Variants in SCAF11 observed in about 807,000 individuals in gnomAD.
SCAF11 encodes SR-related CTD associated factor 11.
Under a neutral mutation model 140.5 loss-of-function variants are expected in SCAF11, and 47 were observed. The observed-to-expected ratio is 0.33, with a 90% CI of 0.26 to 0.43. The LOEUF (loss-of-function observed/expected upper bound fraction) is 0.43. Among genes scored for constraint, SCAF11 ranks in the 20% least tolerant of loss-of-function variants. The pLI, the probability that SCAF11 is intolerant of heterozygous loss-of-function variation, is 1.00. For missense variants in SCAF11, 1,645 were observed against 1,705.1 expected (o/e 0.96, Z 0.62); for synonymous variants, 557 against 579.4 (o/e 0.96, Z 0.55).
chr12:45,937,125 C>A (rs991428691), intron 6 of SCAF11, among the ~76,000 whole-genome samples: 1 of 151,838 alleles, frequency 6.6e-6, no homozygotes, highest in African/African-American at 2.4e-5. Context: ...GAAAAAATTT[C>A]CTTTGTATTA....
At position 45,927,134 on chromosome 12, in the gene SCAF11, G is replaced by C. The variant is rs371070696; in HGVS notation, c.2567C>G (p.Ala856Gly). 4.5e-5 allele frequency: 73 copies of C among 1,613,950 alleles called. No individual in the cohort carries two copies. Among genetic ancestry groups the C allele is most frequent in the Non-Finnish European group, 4.7e-5 (56 of 1,180,004 alleles). ...SRSQSPKKDIARERRQSQSRS... is the reference protein window; with the variant it reads ...SRSQSPKKDIGRERRQSQSRS... ...AGACTGAGATTGCCTCCTTTCTCTT[G>C]CAATATCCTTTTTTGGGGACTGAGA... The change falls in exon 11 of 15, where the codon GCA becomes GGA. Residue 856 changes from alanine to glycine, a missense_variant. This residue lies in a region of SCAF11 where 1,582 missense variants were observed against 1,609.2 expected (regional missense o/e 0.98). Coordinates refer to ENST00000369367, the MANE Select transcript of SCAF11 (RefSeq NM_004719.3).
At chr12:45,946,877 G>A (rs905501507) in intron 5 of SCAF11, among the ~76,000 whole-genome samples, 5 of 152,158 alleles carry the variant, frequency 3.3e-5, no homozygotes, top group Non-Finnish European at 7.4e-5. Flanking sequence ...GGCTCTTGGA[G>A]GGGGTATTCC....
chr12:45,947,482 A>C (rs1945450110), intron 5 of SCAF11, among the ~76,000 whole-genome samples: 1 of 152,262 alleles, frequency 6.6e-6, no homozygotes, highest in South Asian at 2.1e-4. Context: ...ACAGGAAAGC[A>C]GTACGTGAAG....
At chr12:45,922,708 A>G (rs554165285) in intron 13 of SCAF11, 126 bp from the exon 14 acceptor site, 4 of 999,326 alleles carry the variant, frequency 4.0e-6, no homozygotes, top group Non-Finnish European at 5.8e-6. Context: ...CGTGACAAAT[A>G]TAAAACAGTT....
upstream of SCAF11, among the ~76,000 whole-genome samples, chr12:45,990,992 T>C (rs1946595305): frequency 1.3e-5 from 2 of 152,244 alleles, no homozygotes. Context: ...TGAAAGAGGC[T>C]TTAAGGGAAC....
chr12:45,941,230 T>C (rs1444699650), intron 6 of SCAF11, among the ~76,000 whole-genome samples: 2 of 152,218 alleles, frequency 1.3e-5, no homozygotes, highest in African/African-American at 2.4e-5. Context: ...AGCATCTCTA[T>C]GGTCGTAGAC....
Position 45,961,681 on chromosome 12 carries a change from A to G in SCAF11, c.219+19T>C, listed in dbSNP as rs1592206184. 2 of 1,587,528 alleles carry G rather than the reference A, an allele frequency of 1.3e-6. No individual in the cohort carries two copies. ...AAATCATGCTAGGAAATTAAAATAC[A>G]TTAATGTGTCAGACTTACCTCTGCC... On this transcript the variant is annotated intron_variant, in intron 3 of 14. Coordinates refer to ENST00000369367, the MANE Select transcript of SCAF11 (RefSeq NM_004719.3).
chr12:45,973,612 C>T (rs1457699020), intron 1 of SCAF11, among the ~76,000 whole-genome samples: 3 of 152,034 alleles, frequency 2.0e-5, no homozygotes, highest in East Asian at 1.9e-4. Context: ...GCATTACTTA[C>T]GAGGGGGAGG....
At chr12:45,967,494 A>G (rs1445698930) in intron 1 of SCAF11, among the ~76,000 whole-genome samples, 1 of 152,178 alleles carries the variant, frequency 6.6e-6, no homozygotes, top group Non-Finnish European at 1.5e-5. Flanking sequence ...AAATACAAAA[A>G]TTAGCTGGGT....
upstream of SCAF11, chr12:45,991,853 G>T: frequency 7.9e-7 from 1 of 1,272,476 alleles, no homozygotes; most frequent in Non-Finnish European, 1.0e-6. Context: ...GGCTCCCGCA[G>T]GACTAAGCTC....
chr12:45,945,084 T>A lies in SCAF11; in HGVS notation c.463+165A>T, dbSNP rs1945388868. 2.2e-5 allele frequency: 13 copies of A among 589,904 alleles called. No individual in the cohort carries two copies. In the East Asian group the frequency reaches 4.0e-4, roughly 18 times the overall value. The allele number at this position is 589,904 out of a possible 1,614,324, so 36.5% of individuals were successfully genotyped here. The stretch of plus-strand genomic sequence containing the variant: ...AGGAAAAAAGGGGCAGAAAACAGTA[T>A]AAATTGCTCCATGAAAACAAAATTT... On this transcript the variant is annotated intron_variant, in intron 6 of 14. Transcript: ENST00000369367.
At chr12:45,935,571 C>T (rs899678982) in intron 6 of SCAF11, among the ~76,000 whole-genome samples, 1 of 152,140 alleles carries the variant, frequency 6.6e-6, no homozygotes, top group Non-Finnish European at 1.5e-5. Flanking sequence ...CTGTGCTATA[C>T]CTACATAGTG....
At chr12:45,944,416 G>A (rs1055770324) in intron 6 of SCAF11, among the ~76,000 whole-genome samples, 11 of 152,004 alleles carry the variant, frequency 7.2e-5, no homozygotes, top group African/African-American at 2.7e-4. Flanking sequence ...CAAAAACAAA[G>A]CCAACAAAAA....
intron 12 of SCAF11, 66 bp from the exon 13 acceptor site, chr12:45,923,220 A>G: frequency 7.2e-7 from 1 of 1,395,886 alleles, no homozygotes. Flanking sequence ...TTAGTGATGC[A>G]TTAGAAATAA....
At chr12:45,968,135 T>C (rs919756420) in intron 1 of SCAF11, among the ~76,000 whole-genome samples, 10 of 152,376 alleles carry the variant, frequency 6.6e-5, no homozygotes, top group African/African-American at 2.2e-4. Flanking sequence ...ATATTCTACC[T>C]ATACTACTTA....
At position 45,924,742 on chromosome 12, in the gene SCAF11, C is replaced by T. The variant is rs770433457; in HGVS notation, c.3892G>A (p.Gly1298Arg). The change falls in exon 12 of 15, where the codon GGA (glycine) becomes AGA (arginine). Residue 1298 changes from glycine to arginine, a missense_variant. Transcript: ENST00000369367. ...TAAAAACATACCTGCAATTGCTTTC[C>T]ATCTGGTTGTGAAGCAATGTAGTTG... Reference protein sequence around the residue: ...QVNYIASQPDGKQLQGIPSSS... With the variant: ...QVNYIASQPDRKQLQGIPSSS... The T allele has an allele frequency of 6.3e-7, 1 of 1,594,722 alleles. No homozygotes were observed. Among genetic ancestry groups the T allele is most frequent in the Non-Finnish European group, 8.6e-7 (1 of 1,166,206 alleles).
intron 6 of SCAF11, 105 bp downstream of exon 6, chr12:45,945,144 G>T: frequency 1.4e-6 from 1 of 738,632 alleles, no homozygotes. Flanking sequence ...GAGTTCTGAG[G>T]ACTATTTTCC....
chr12:45,939,939 C>T (rs956973913), intron 6 of SCAF11, among the ~76,000 whole-genome samples: 1 of 152,200 alleles, frequency 6.6e-6, no homozygotes, highest in Non-Finnish European at 1.5e-5. Flanking sequence ...ACTCTACCTT[C>T]GTGACTTTGT....
chr12:45,949,861 T>C (rs1009229013), intron 4 of SCAF11, among the ~76,000 whole-genome samples: 1 of 152,170 alleles, frequency 6.6e-6, no homozygotes, highest in African/African-American at 2.4e-5. Flanking sequence ...CAAATATACG[T>C]AGTACTTAAA....
Sources: gnomAD v4.1 joint callset for allele counts (sites outside exome capture counted in the v4.1 genomes callset) on GRCh38, gnomAD v4.1.1 for gene constraint, gnomAD v4.1.1 regional missense constraint, MANE v1.5 for transcripts, NCBI Gene and HGNC (gene_info 2026-07-23, HGNC 2026-07-21) for gene names.